The following PPP2R2B variants were observed in gnomAD, a reference collection of about 807,000 sequenced individuals.
PPP2R2B encodes the protein serine/threonine-protein phosphatase 2A 55 kDa regulatory subunit B beta isoform.
PPP2R2B carries 5 observed loss-of-function variants against 46.0 expected under a neutral mutation model. The ratio of observed to expected loss-of-function variants is 0.11; its 90% CI spans 0.06 to 0.23. The LOEUF is 0.23. Among genes scored for constraint, PPP2R2B ranks in the 10% least tolerant of loss-of-function variants. The probability of loss-of-function intolerance (pLI) is 1.00; values close to 1 mark genes in which losing one functional copy is unlikely to be tolerated. For synonymous variants in PPP2R2B, 215 were observed against 206.7 expected (o/e 1.04, Z -0.34); for missense variants, 367 against 575.0 (o/e 0.64, Z 3.70).
chr5:147,053,760 T>C (rs749955246), intron 1 of PPP2R2B, among the ~76,000 whole-genome samples: 1 of 152,182 alleles, frequency 6.6e-6, no homozygotes, highest in Non-Finnish European at 1.5e-5. Context: ...GCACCTATCA[T>C]GTGTGGAGCA....
rs370176510 is a variant in PPP2R2B at position 147,077,275 on chromosome 5, T to TACAC, written c.50+3780_50+3783dup. ...CGTTATACATATATGTATGTGTGTA[T>TACAC]ACACACACACACACACACACACACA... On this transcript the variant is annotated intron_variant, in intron 2 of 10. Coordinates refer to the PPP2R2B transcript ENST00000394413. Among the ~76,000 whole-genome samples, 173 of 140,500 alleles carry TACAC rather than the reference T, an allele frequency of 1.2e-3. 2 individuals carry two copies. In the South Asian group the frequency reaches 0.022, roughly 18 times the overall value. 92.2% of individuals were successfully genotyped at this position (140,500 alleles called of 152,430 possible). A position where few individuals can be genotyped will look rare whatever the true frequency, so the allele number is the denominator to read the frequency against.
At chr5:146,694,900 A>G (rs1399523579) in intron 4 of PPP2R2B, among the ~76,000 whole-genome samples, 2 of 152,208 alleles carry the variant, frequency 1.3e-5, no homozygotes, top group East Asian at 1.9e-4. Flanking sequence ...ATATTTATCT[A>G]TACCAACGTC....
chr5:147,008,892 G>C (rs1373508361), intron 1 of PPP2R2B, among the ~76,000 whole-genome samples: 1 of 152,122 alleles, frequency 6.6e-6, no homozygotes, highest in East Asian at 1.9e-4. Context: ...TGATCATTCT[G>C]CTACTCAGTT....
chr5:146,665,401 C>A (rs1776925948), intron 5 of PPP2R2B, among the ~76,000 whole-genome samples: 1 of 152,150 alleles, frequency 6.6e-6, no homozygotes, highest in Non-Finnish European at 1.5e-5. Context: ...CCTCATGAAC[C>A]AACCTTTGCT....
intron 2 of PPP2R2B, among the ~76,000 whole-genome samples, chr5:146,855,342 A>T (rs10066950): frequency 0.18 from 27,158 of 152,154 alleles, 2,891 homozygotes; most frequent in East Asian, 0.35. Context: ...AAACACATTT[A>T]AAAATATCAC....
At chr5:146,904,063 C>G (rs887676691) in intron 1 of PPP2R2B, among the ~76,000 whole-genome samples, 2 of 152,122 alleles carry the variant, frequency 1.3e-5, no homozygotes, top group African/African-American at 4.8e-5. Context: ...AGAGACTTGT[C>G]TAACTACTGA....
In PPP2R2B at chr5:146,705,693, T is replaced by G. The variant is rs1779793847; in HGVS notation, c.71-4551A>C. On this transcript the variant is annotated intron_variant, in intron 2 of 9. Coordinates refer to ENST00000394411, the MANE Select transcript of PPP2R2B (RefSeq NM_181675.4). ...ACTTTACCAAAGTAACTTACCAAGT[T>G]TTGGTAACTGAAATAGTGCATTTGA... is the stretch of plus-strand genomic sequence containing the variant. Among the ~76,000 whole-genome samples, 3 of 152,138 alleles carry G rather than the reference T, an allele frequency of 2.0e-5. No individual in the cohort carries two copies. The South Asian group carries it at 6.2e-4, about 32-fold the overall frequency.
intron 1 of PPP2R2B, among the ~76,000 whole-genome samples, chr5:146,890,699 C>A (rs903269952): frequency 6.6e-6 from 1 of 152,048 alleles, no homozygotes; most frequent in Non-Finnish European, 1.5e-5. Flanking sequence ...TATTAAACAT[C>A]CCACAAATAG....
intron 2 of PPP2R2B, among the ~76,000 whole-genome samples, chr5:146,861,687 G>T (rs1761011201): frequency 6.6e-6 from 1 of 152,052 alleles, no homozygotes; most frequent in Non-Finnish European, 1.5e-5. Context: ...AAAAACAGTA[G>T]AAGTTACCTA....
chr5:146,981,057 T>C (rs1178437755), intron 1 of PPP2R2B, among the ~76,000 whole-genome samples: 1 of 152,172 alleles, frequency 6.6e-6, no homozygotes, highest in Non-Finnish European at 1.5e-5. Flanking sequence ...CTGTATTTCT[T>C]ACTCATTTTT....
intron 5 of PPP2R2B, among the ~76,000 whole-genome samples, chr5:146,675,369 T>C (rs1777643002): frequency 6.6e-6 from 1 of 152,204 alleles, no homozygotes; most frequent in Non-Finnish European, 1.5e-5. Context: ...TATCTTTCAT[T>C]CAATCTTTGT....
At chr5:147,079,585 A>G (rs968430136) in intron 2 of PPP2R2B, among the ~76,000 whole-genome samples, 5 of 151,768 alleles carry the variant, frequency 3.3e-5, no homozygotes, top group African/African-American at 1.2e-4. Context: ...GAAATAAGCC[A>G]GGCACAGACA....
At chr5:146,958,892 G>A (rs1752046444) in intron 1 of PPP2R2B, among the ~76,000 whole-genome samples, 1 of 152,148 alleles carries the variant, frequency 6.6e-6, no homozygotes, top group Admixed American at 6.5e-5. Context: ...TTCCATTTCA[G>A]AGATGAGAAA....
chr5:146,812,832 C>T lies in PPP2R2B; in HGVS notation c.70+65170G>A, dbSNP rs1405402449. ...ATATATATATATATATATATATACA[C>T]ACACATTTCCATTATAAAACCATCA... On this transcript the variant is annotated intron_variant, in intron 2 of 9. Transcript: ENST00000394411. Among the ~76,000 whole-genome samples, 406 of 42,690 alleles carry T rather than the reference C, an allele frequency of 9.5e-3. 5 individuals carry two copies. Among genetic ancestry groups the T allele is most frequent in the African/African-American group, 0.015 (215 of 14,044 alleles). 28.0% of individuals were successfully genotyped at this position (42,690 alleles called of 152,430 possible). A position where few individuals can be genotyped will look rare whatever the true frequency, so the allele number is the denominator to read the frequency against.
chr5:146,903,613 G>A (rs558420361), intron 1 of PPP2R2B, among the ~76,000 whole-genome samples: 1 of 152,026 alleles, frequency 6.6e-6, no homozygotes, highest in East Asian at 1.9e-4. Flanking sequence ...GCCTGGACTG[G>A]TCTCAAACTC....
chr5:147,024,989 C>T (rs1166409102), intron 1 of PPP2R2B, among the ~76,000 whole-genome samples: 2 of 151,324 alleles, frequency 1.3e-5, no homozygotes, highest in African/African-American at 4.9e-5. Flanking sequence ...AATGGAACCA[C>T]GAATAGGCCC....
intron 1 of PPP2R2B, among the ~76,000 whole-genome samples, chr5:146,959,808 G>T (rs1752089691): frequency 1.3e-5 from 2 of 152,100 alleles, no homozygotes; most frequent in African/African-American, 4.8e-5. Flanking sequence ...TCCAGGTTTG[G>T]CTGGGGGAAC....
At chr5:146,714,180 TCAGACAAGTGAC>T (rs1780361026) in intron 2 of PPP2R2B, among the ~76,000 whole-genome samples, 1 of 152,090 alleles carries the variant, frequency 6.6e-6, no homozygotes, top group Non-Finnish European at 1.5e-5. Context: ...CAAGTGAAGT[TCAGACAAGTGAC>T]CAACCATGTC....
chr5:146,594,823 G>A (rs950040083), intron 8 of PPP2R2B, among the ~76,000 whole-genome samples: 8 of 152,184 alleles, frequency 5.3e-5, no homozygotes, highest in African/African-American at 1.7e-4. Flanking sequence ...GAGAGAGAAG[G>A]AGATAGAACT....
Sources: allele counts gnomAD v4.1 joint callset (sites outside exome capture counted in the v4.1 genomes callset), GRCh38; gene constraint gnomAD v4.1.1; transcripts MANE v1.5; gene names NCBI Gene and HGNC (gene_info 2026-07-23, HGNC 2026-07-21).